Variants in DIP2C observed in about 807,000 individuals in gnomAD.
DIP2C encodes disco-interacting protein 2 homolog C.
A neutral mutation model predicts 192.4 loss-of-function variants in DIP2C; 33 were observed. That is an observed-to-expected ratio of 0.17 (90% CI 0.13 to 0.23). DIP2C has a LOEUF of 0.23. DIP2C is among the 10% of genes least tolerant of loss of function. DIP2C has a pLI of 1.00. For synonymous variants in DIP2C, 979 were observed against 864.1 expected, an observed-to-expected ratio of 1.13 and a Z score of -2.33; for missense variants, 1,537 against 2,110.1, an observed-to-expected ratio of 0.73 and a Z score of 5.32.
At chr10:451,655 G>A (rs1244113384) in intron 3 of DIP2C, among the ~76,000 whole-genome samples, 1 of 152,226 alleles carries the variant, frequency 6.6e-6, no homozygotes, top group African/African-American at 2.4e-5. Flanking sequence ...AGGATGACAA[G>A]ATGACAACGT....
intron 1 of DIP2C, among the ~76,000 whole-genome samples, chr10:541,458 C>T (rs1317687468): frequency 1.3e-5 from 2 of 150,174 alleles, no homozygotes; most frequent in African/African-American, 4.9e-5. Flanking sequence ...TCCTGGACCC[C>T]CCCGAGTGAC....
chr10:345,231 G>A (rs893103626), intron 26 of DIP2C, 121 bp from the exon 27 acceptor site: 53 of 1,001,880 alleles, frequency 5.3e-5, no homozygotes, highest in South Asian at 2.8e-5. Context: ...GGGCAGATGA[G>A]GTTACCGAGC....
At chr10:671,558 G>C (rs1179997968) in intron 1 of DIP2C, among the ~76,000 whole-genome samples, 2 of 80,950 alleles carry the variant, frequency 2.5e-5, no homozygotes, top group Non-Finnish European at 4.6e-5. Context: ...CACGGACGGA[G>C]GAAACGTCAC....
chr10:561,002 A>G (rs577405443), intron 1 of DIP2C, among the ~76,000 whole-genome samples: 5 of 152,150 alleles, frequency 3.3e-5, no homozygotes, highest in South Asian at 2.1e-4. Flanking sequence ...CAATCAGGAA[A>G]TTTTTGAATC....
In DIP2C at chr10:349,320, T is replaced by C. The variant is rs1377339412; in HGVS notation, c.3109+11A>G. ...GCCATCTCTCAGGGGAAGCCCACCC[T>C]GCGCCTGTACCTGGGGGGTAGACCA... On this transcript the variant is annotated intron_variant, in intron 25 of 36. Coordinates refer to ENST00000280886, the MANE Select transcript of DIP2C (RefSeq NM_014974.3). The C allele has an allele frequency of 6.2e-7, 1 of 1,600,120 alleles. No individual in the cohort carries two copies. The highest frequency in any genetic ancestry group is 1.1e-5 in the South Asian group (1 of 90,850).
intron 1 of DIP2C, among the ~76,000 whole-genome samples, chr10:558,533 G>A (rs1327586482): frequency 6.6e-6 from 1 of 152,198 alleles, no homozygotes; most frequent in Non-Finnish European, 1.5e-5. Flanking sequence ...CAGGGGGACA[G>A]GAGCACGTCC....
chr10:485,619 G>A lies in DIP2C; in HGVS notation c.157+840C>T, dbSNP rs535616134. Among the ~76,000 whole-genome samples the A allele has an allele frequency of 1.8e-3, 279 of 152,300 alleles. 2 individuals are homozygous for A. The highest frequency in any genetic ancestry group is 3.1e-3 in the Non-Finnish European group (211 of 68,026). ...TTTCCTTACTGAGTCAACAGGACCC[G>A]GACGGGCCTCGGGAAGAACAGAATC... On this transcript the variant is annotated intron_variant, in intron 2 of 36. Coordinates refer to ENST00000280886, the MANE Select transcript of DIP2C (RefSeq NM_014974.3).
At chr10:334,994 G>A (rs1338685512) in intron 29 of DIP2C, among the ~76,000 whole-genome samples, 1 of 152,168 alleles carries the variant, frequency 6.6e-6, no homozygotes, top group African/African-American at 2.4e-5. Context: ...CAAGATTTTG[G>A]TAGGAATTAC....
chr10:602,680 A>G (rs1021205937), intron 1 of DIP2C, among the ~76,000 whole-genome samples: 28 of 152,232 alleles, frequency 1.8e-4, no homozygotes, highest in African/African-American at 6.8e-4. Context: ...CAGCCCAGAC[A>G]GTCATGTTAC....
intron 3 of DIP2C, among the ~76,000 whole-genome samples, chr10:458,823 G>C (rs1047729593): frequency 1.3e-5 from 2 of 151,988 alleles, no homozygotes; most frequent in African/African-American, 4.8e-5. Flanking sequence ...CTGACTCACC[G>C]GCAGGGCACA....
chr10:356,886 G>C (rs901037298), intron 23 of DIP2C, among the ~76,000 whole-genome samples: 9 of 152,252 alleles, frequency 5.9e-5, no homozygotes, highest in African/African-American at 2.2e-4. Context: ...GCTTCCAGAA[G>C]ATGCAAAGCG....
In DIP2C at chr10:521,918, A is replaced by C. The variant is rs541828995; in HGVS notation, c.86-35388T>G. Among the ~76,000 whole-genome samples the C allele has an allele frequency of 3.3e-5, 5 of 151,656 alleles. No individual in the cohort carries two copies. In the East Asian group the frequency reaches 9.7e-4, roughly 30 times the overall value. On this transcript the variant is annotated intron_variant, in intron 1 of 36. Transcript: ENST00000280886. ...ACCAGCATGTCTGTACAAATGACAG[A>C]CCCGCATCAACACAGCACCACCACC...
intron 34 of DIP2C, among the ~76,000 whole-genome samples, chr10:285,191 A>T (rs907907522): frequency 9.2e-5 from 14 of 151,566 alleles, no homozygotes; most frequent in African/African-American, 2.9e-4. Flanking sequence ...CAAGAAGCAA[A>T]GCAAGCTGGG....
At chr10:597,095 A>AC (rs1243210677) in intron 1 of DIP2C, among the ~76,000 whole-genome samples, 2 of 152,124 alleles carry the variant, frequency 1.3e-5, no homozygotes, top group African/African-American at 4.8e-5. Context: ...CACCCTGTCC[A>AC]CCCAGGGCTC....
intron 1 of DIP2C, among the ~76,000 whole-genome samples, chr10:554,721 T>C (rs1479916879): frequency 1.3e-5 from 2 of 152,176 alleles, no homozygotes; most frequent in Non-Finnish European, 2.9e-5. Context: ...CTGCACCCCA[T>C]GTGAGAAATA....
chr10:503,963 A>T (rs1281465578), intron 1 of DIP2C, among the ~76,000 whole-genome samples: 1 of 152,210 alleles, frequency 6.6e-6, no homozygotes, highest in African/African-American at 2.4e-5. Context: ...TTTTACTCAG[A>T]AATTAAATTC....
chr10:421,632 C>T (rs1033272818), intron 5 of DIP2C, among the ~76,000 whole-genome samples: 1 of 152,214 alleles, frequency 6.6e-6, no homozygotes, highest in Non-Finnish European at 1.5e-5. Flanking sequence ...CTGTGTTAAA[C>T]TGAAGTTTAA....
At chr10:539,509 C>A (rs1038997194) in intron 1 of DIP2C, among the ~76,000 whole-genome samples, 4 of 152,178 alleles carry the variant, frequency 2.6e-5, no homozygotes, top group Non-Finnish European at 5.9e-5. Context: ...TGCCCACAGA[C>A]CTTGGTATCC....
intron 32 of DIP2C, among the ~76,000 whole-genome samples, chr10:303,203 G>A (rs947619296): frequency 1.3e-5 from 2 of 151,878 alleles, no homozygotes; most frequent in East Asian, 1.9e-4. Context: ...CATCATCCAC[G>A]TGCGGCTGTA....
Sources: gnomAD v4.1 joint callset for allele counts (sites outside exome capture counted in the v4.1 genomes callset) on GRCh38, gnomAD v4.1.1 for gene constraint, MANE v1.5 for transcripts, NCBI Gene and HGNC (gene_info 2026-07-23, HGNC 2026-07-21) for gene names.